WSB2: variants seen among roughly 807,000 people sequenced by gnomAD.
WSB2 encodes the protein WD repeat and SOCS box-containing protein 2.
A neutral mutation model predicts 48.8 loss-of-function variants in WSB2; 12 were observed. The ratio of observed to expected loss-of-function variants is 0.25; its 90% CI spans 0.16 to 0.40. The LOEUF (loss-of-function observed/expected upper bound fraction) is 0.40. Ranked by LOEUF, WSB2 falls within the 10% of genes least tolerant of loss-of-function variation. WSB2 has a pLI of 1.00. For missense variants in WSB2, 317 were observed against 506.2 expected, an observed-to-expected ratio of 0.63 and a Z score of 3.59; for synonymous variants, 191 against 203.1, an observed-to-expected ratio of 0.94 and a Z score of 0.51.
chr12:118,059,183 A>G (rs2032017036), intron 1 of WSB2, among the ~76,000 whole-genome samples: 1 of 151,790 alleles, frequency 6.6e-6, no homozygotes, highest in African/African-American at 2.4e-5. Flanking sequence ...AAAATACACA[A>G]CACGTTTTGA....
rs143802874 is a variant in WSB2 at position 118,060,722 on chromosome 12, C to T, written c.13+314G>A. ...GGGATCTCCGTTTTAGGGCTTGGTG[C>T]CCCCCGCCCCGAGTCCCACCCGGGA... On this transcript the variant is annotated intron_variant, in intron 1 of 8. Transcript: ENST00000315436. This position sits in a 1 kb window ranked among gnomAD's most constrained non-coding sequence, Gnocchi z 4.1. 1.7e-3 allele frequency among the ~76,000 whole-genome samples: 256 copies of T among 152,094 alleles called. 1 individual carries two copies. Among genetic ancestry groups the T allele is most frequent in the African/African-American group, 5.8e-3 (242 of 41,534 alleles).
intron 6 of WSB2, 90 bp downstream of exon 6, chr12:118,036,248 T>C: frequency 1.4e-6 from 2 of 1,436,516 alleles, no homozygotes; most frequent in Non-Finnish European, 1.9e-6. Context: ...CCCTCCCATG[T>C]CCCAGATTCT....
chr12:118,043,972 C>T lies in WSB2; in HGVS notation c.183-595G>A, dbSNP rs549212902. 2.6e-4 allele frequency among the ~76,000 whole-genome samples: 40 copies of T among 151,640 alleles called. 1 individual carries two copies. The South Asian group carries it at 5.2e-3, about 20-fold the overall frequency. On this transcript the variant is annotated intron_variant, in intron 2 of 8. Transcript: ENST00000315436. ...TCTCTACTAAAAAAAAAAAACAATTCGCCGGGCGTAGTGGCGGGTGCCTGT... is the reference window on the plus strand; with the variant it reads ...TCTCTACTAAAAAAAAAAAACAATTTGCCGGGCGTAGTGGCGGGTGCCTGT...
chr12:118,045,297 G>A (rs942992246), intron 2 of WSB2, among the ~76,000 whole-genome samples: 1 of 151,688 alleles, frequency 6.6e-6, no homozygotes, highest in Non-Finnish European at 1.5e-5. Flanking sequence ...CCCGGGAGGC[G>A]GAGCTTGCAG....
At position 118,034,123 on chromosome 12, in the gene WSB2, G is replaced by T; in HGVS notation, c.*73C>A. The T allele has an allele frequency of 1.3e-6, 2 of 1,574,984 alleles. No homozygotes were observed. Among genetic ancestry groups the T allele is most frequent in the Non-Finnish European group, 1.7e-6 (2 of 1,148,946 alleles). ...ATTTCAATGCAAGACCAGATGTTTG[G>T]CCCATTATTCCAGCAACTCCCTTTG... On this transcript the variant is annotated 3_prime_UTR_variant, in exon 9 of 9. Transcript: ENST00000315436.
intron 4 of WSB2, among the ~76,000 whole-genome samples, chr12:118,041,748 CTTTT>C (rs150072011): frequency 9.8e-5 from 10 of 101,532 alleles, no homozygotes; most frequent in African/African-American, 2.6e-4. Flanking sequence ...TCTTATGTCA[CTTTT>C]TTTTTTTTTT....
In WSB2 at chr12:118,061,049, G is replaced by A. The variant is rs1448782993; in HGVS notation, c.-1C>T. ...GGCCCCACTCACCTCCGGCCTCCAT[G>A]GAGGACGCGAGCGGCCCCCGCGGCA... On this transcript the variant is annotated 5_prime_UTR_variant, in exon 1 of 9. Transcript: ENST00000315436. The A allele has an allele frequency of 1.0e-6, 1 of 985,670 alleles. No homozygotes were observed. The highest frequency in any genetic ancestry group is 1.8e-5 in the African/African-American group (1 of 56,728). 61.1% of individuals were successfully genotyped at this position (985,670 alleles called of 1,614,324 possible).
At chr12:118,048,219 G>A (rs1000441297) in intron 2 of WSB2, among the ~76,000 whole-genome samples, 3 of 151,776 alleles carry the variant, frequency 2.0e-5, no homozygotes, top group Non-Finnish European at 4.4e-5. Flanking sequence ...GTGAGCCACC[G>A]CACCCGGCCA....
chr12:118,051,113 A>T (rs980477121), intron 2 of WSB2, among the ~76,000 whole-genome samples: 5 of 152,310 alleles, frequency 3.3e-5, no homozygotes, highest in Admixed American at 6.5e-5. Flanking sequence ...CATCAAGGAA[A>T]TGCAAATCGA....
chr12:118,059,103 T>C (rs1478994686), intron 1 of WSB2, among the ~76,000 whole-genome samples: 1 of 152,140 alleles, frequency 6.6e-6, no homozygotes, highest in East Asian at 1.9e-4. Flanking sequence ...CACTGTCTAA[T>C]AGGGAAATCA....
In WSB2 at chr12:118,036,379, A is replaced by G. The variant is rs750136114; in HGVS notation, c.792T>C (p.Ile264=). The G allele has an allele frequency of 6.8e-6, 11 of 1,614,096 alleles. No individual in the cohort carries two copies. The African/African-American group carries it at 1.3e-4, about 20-fold the overall frequency. ...TTTCGCCGGTGTAGGGGTCCCACAT[A>G]ATCACATTGGTATCGTAAGAAGCCG... is the stretch of plus-strand genomic sequence containing the variant. ...LVTASYDTNV[I]MWDPYTGERL... The change falls in exon 6 of 9, where the codon ATT becomes ATC. Residue 264 remains isoleucine (I), a synonymous_variant. Coordinates refer to ENST00000315436, the MANE Select transcript of WSB2 (RefSeq NM_018639.5).
At position 118,061,134 on chromosome 12, in the gene WSB2, C is replaced by A; in HGVS notation, c.-86G>T. The A allele has an allele frequency of 1.0e-6, 1 of 981,494 alleles. No homozygotes were observed. The highest frequency in any genetic ancestry group is 1.2e-6 in the Non-Finnish European group (1 of 828,316). 60.8% of individuals were successfully genotyped at this position (981,494 alleles called of 1,614,324 possible). A position where few individuals can be genotyped will look rare whatever the true frequency, so the allele number is the denominator to read the frequency against. ...CCTCATGCCGCCCCCGCGCCGCCCG[C>A]CCCGGCCAGGCCGCCGCCGCCGCCC... On this transcript the variant is annotated 5_prime_UTR_variant, in exon 1 of 9. Transcript: ENST00000315436.
At chr12:118,052,611 C>A (rs2031876187) in intron 1 of WSB2, 133 bp from the exon 2 acceptor site, 1 of 1,399,860 alleles carries the variant, frequency 7.1e-7, no homozygotes, top group African/African-American at 1.4e-5. Context: ...ACTTAAATGA[C>A]CCAGGGCAAT....
At chr12:118,051,121 C>T (rs116310525) in intron 2 of WSB2, among the ~76,000 whole-genome samples, 2,246 of 151,800 alleles carry the variant, frequency 0.015, 43 homozygotes, top group African/African-American at 0.046. Context: ...AAATGCAAAT[C>T]GAAACCACTA....
intron 6 of WSB2, chr12:118,035,973 C>CG: frequency 5.9e-6 from 1 of 168,226 alleles, no homozygotes; most frequent in Non-Finnish European, 1.3e-5. Flanking sequence ...GAGACTGAGG[C>CG]GGTGGATCAC....
At position 118,034,144 on chromosome 12, in the gene WSB2, C is replaced by A; in HGVS notation, c.*52G>T. ...TTTGGCCCATTATTCCAGCAACTCC[C>A]TTTGACAGGACGATTTACCCTGCTA... is the stretch of plus-strand genomic sequence containing the variant. On this transcript the variant is annotated 3_prime_UTR_variant, in exon 9 of 9. Transcript: ENST00000315436. The A allele has an allele frequency of 6.2e-7, 1 of 1,608,754 alleles. No individual in the cohort carries two copies. Among genetic ancestry groups the A allele is most frequent in the Non-Finnish European group, 8.5e-7 (1 of 1,176,156 alleles).
intron 2 of WSB2, among the ~76,000 whole-genome samples, chr12:118,047,961 CTG>C (rs2031777348): frequency 6.6e-6 from 1 of 152,038 alleles, no homozygotes; most frequent in Non-Finnish European, 1.5e-5. Context: ...CAGTGTCTTA[CTG>C]TTGCCCAGGC....
intron 2 of WSB2, among the ~76,000 whole-genome samples, chr12:118,048,344 T>A (rs1427404997): frequency 6.6e-6 from 1 of 152,026 alleles, no homozygotes; most frequent in East Asian, 1.9e-4. Context: ...TCCCAGCACT[T>A]TGGGAGGCCA....
At chr12:118,059,666 TAC>T (rs972790431) in intron 1 of WSB2, among the ~76,000 whole-genome samples, 2 of 152,170 alleles carry the variant, frequency 1.3e-5, no homozygotes, top group African/African-American at 4.8e-5. Flanking sequence ...GCAGGCTAGC[TAC>T]AGATTGCTTT....
Sources: allele counts gnomAD v4.1 joint callset (sites outside exome capture counted in the v4.1 genomes callset), GRCh38; gene constraint gnomAD v4.1.1; non-coding constraint Gnocchi (gnomAD v3.1); transcripts MANE v1.5; gene names NCBI Gene and HGNC (gene_info 2026-07-23, HGNC 2026-07-21).